LRGUK: variants seen among roughly 807,000 people sequenced by gnomAD.
LRGUK encodes leucine-rich repeat and guanylate kinase domain-containing protein.
A neutral mutation model predicts 76.0 loss-of-function variants in LRGUK; 65 were observed. That is an observed-to-expected ratio of 0.85 (90% CI 0.70 to 1.05). The LOEUF is 1.05. Ranked by LOEUF, LRGUK falls within the 50% of genes least tolerant of loss-of-function variation. The pLI, the probability that LRGUK is intolerant of heterozygous loss-of-function variation, is 0.00. For missense variants in LRGUK, 758 were observed against 732.8 expected (o/e 1.03, Z -0.40); for synonymous variants, 268 against 265.6 (o/e 1.01, Z -0.09).
At chr7:134,162,208 G>A (rs1798778846) in intron 6 of LRGUK, among the ~76,000 whole-genome samples, 1 of 152,122 alleles carries the variant, frequency 6.6e-6, no homozygotes, top group African/African-American at 2.4e-5. Flanking sequence ...TCTGAGCCAG[G>A]CTCAGCTGGG....
Position 134,137,012 on chromosome 7 carries a change from GT to G in LRGUK, c.298-5del, listed in dbSNP as rs756218480. ...ATCTTTTCTTTGTCTACCTTTCTGG[GT>G]TTTTTACAGGAGGAATTTGATGGGG... On this transcript the variant is annotated splice_polypyrimidine_tract_variant and intron_variant, in intron 1 of 15. Coordinates refer to ENST00000645682, the Ensembl canonical transcript of LRGUK. The G allele has an allele frequency of 1.2e-6, 2 of 1,600,960 alleles. No homozygotes were observed. Among genetic ancestry groups the G allele is most frequent in the South Asian group, 2.2e-5 (2 of 89,838 alleles).
intron 5 of LRGUK, 23 bp downstream of exon 5, chr7:134,148,342 G>A: frequency 1.6e-5 from 22 of 1,371,268 alleles, no homozygotes; most frequent in Non-Finnish European, 2.0e-5. Flanking sequence ...TAAGTAAAGG[G>A]GAAAATTTTA....
At chr7:134,228,532 A>T (rs2068590199) in intron 16 of LRGUK, among the ~76,000 whole-genome samples, 1 of 152,204 alleles carries the variant, frequency 6.6e-6, no homozygotes, top group Non-Finnish European at 1.5e-5. Flanking sequence ...TAAAATTAAA[A>T]TATGGGGAAT....
At position 134,256,459 on chromosome 7, in the gene LRGUK, C is replaced by CAAAAA. The variant is rs34522132; in HGVS notation, c.2199-1781_2199-1777dup. Among the ~76,000 whole-genome samples, 230 of 57,494 alleles carry CAAAAA rather than the reference C, an allele frequency of 4.0e-3. 5 individuals are homozygous for CAAAAA. The highest frequency in any genetic ancestry group is 0.011 in the African/African-American group (205 of 18,538). The allele number at this position is 57,494 out of a possible 152,430, so 37.7% of individuals were successfully genotyped here. A position where few individuals can be genotyped will look rare whatever the true frequency, so the allele number is the denominator to read the frequency against. On this transcript the variant is annotated intron_variant, in intron 18 of 19. Coordinates refer to the LRGUK transcript ENST00000285928. Reference sequence around the variant, plus strand: ...GGGCAACAAGAGCGAAACTCTGTCTCAAAAAAAAAAAAAAAAAAAAAGTCC... The same window carrying CAAAAA: ...GGGCAACAAGAGCGAAACTCTGTCTCAAAAAAAAAAAAAAAAAAAAAAAAAAGTCC...
the LRGUK span, among the ~76,000 whole-genome samples, chr7:134,270,469 G>A: frequency 6.6e-6 from 1 of 152,080 alleles, no homozygotes; most frequent in South Asian, 2.1e-4. Context: ...AGCCCATTTT[G>A]TATCCTTTCT....
intron 7 of LRGUK, among the ~76,000 whole-genome samples, chr7:134,164,349 C>A (rs899292730): frequency 2.0e-5 from 3 of 152,112 alleles, no homozygotes; most frequent in Non-Finnish European, 4.4e-5. Context: ...TTCTTATATA[C>A]CAATCTGCAT....
chr7:134,189,656 A>G (rs562524518), intron 11 of LRGUK, among the ~76,000 whole-genome samples: 2 of 152,208 alleles, frequency 1.3e-5, no homozygotes, highest in African/African-American at 2.4e-5. Flanking sequence ...TAAGTTCAGC[A>G]TAATGTGTAA....
At chr7:134,158,200 T>C in intron 6 of LRGUK, 41 bp downstream of exon 6, 1 of 1,559,226 alleles carries the variant, frequency 6.4e-7, no homozygotes, top group Non-Finnish European at 8.8e-7. Context: ...AAGTAGTAGT[T>C]AATGCTTTTA....
At chr7:134,251,006 G>C (rs1246979177) in intron 18 of LRGUK, among the ~76,000 whole-genome samples, 1 of 152,154 alleles carries the variant, frequency 6.6e-6, no homozygotes, top group African/African-American at 2.4e-5. Flanking sequence ...AATAATTGTT[G>C]AAAGACAGAA....
At chr7:134,249,318 A>G (rs1423247894) in intron 18 of LRGUK, among the ~76,000 whole-genome samples, 1 of 152,252 alleles carries the variant, frequency 6.6e-6, no homozygotes, top group East Asian at 1.9e-4. Flanking sequence ...AGAAAGACAC[A>G]GGGGCAGTTA....
At chr7:134,135,303 G>T (rs1214008077) in intron 1 of LRGUK, among the ~76,000 whole-genome samples, 1 of 152,146 alleles carries the variant, frequency 6.6e-6, no homozygotes, top group African/African-American at 2.4e-5. Flanking sequence ...TTGACTTCTG[G>T]TCTCCTCCCC....
chr7:134,268,717 C>CT (rs71531815), downstream of LRGUK, among the ~76,000 whole-genome samples: 9,804 of 57,380 alleles, frequency 0.17, 3,103 homozygotes, highest in Non-Finnish European at 0.22. Context: ...TGCAAAAAAT[C>CT]TTTTTTTTTT....
At chr7:134,137,312 G>A (rs1323814849) in intron 2 of LRGUK, among the ~76,000 whole-genome samples, 182 bp downstream of exon 2, 2 of 152,164 alleles carry the variant, frequency 1.3e-5, no homozygotes, top group Admixed American at 6.5e-5. Flanking sequence ...GACCAATTCA[G>A]TAATCAGCCC....
chr7:134,203,997 T>C (rs1800898229), intron 15 of LRGUK, among the ~76,000 whole-genome samples: 1 of 152,234 alleles, frequency 6.6e-6, no homozygotes, highest in African/African-American at 2.4e-5. Flanking sequence ...CCCTGATCCC[T>C]GAGCCAGGCT....
chr7:134,259,365 C>A (rs749446251), intron 19 of LRGUK, among the ~76,000 whole-genome samples: 1 of 152,014 alleles, frequency 6.6e-6, no homozygotes, highest in East Asian at 1.9e-4. Flanking sequence ...AAAGGTGGGG[C>A]GCTGTGAGTA....
chr7:134,176,282 C>G (rs960112685), intron 8 of LRGUK, among the ~76,000 whole-genome samples: 1 of 152,146 alleles, frequency 6.6e-6, no homozygotes. Flanking sequence ...GGGCTTAATA[C>G]CTAGGTGATG....
rs111790330 is a variant in LRGUK, at chr7:134,225,282, G to T, written c.1983+3364G>T. Among the ~76,000 whole-genome samples the T allele has an allele frequency of 2.2e-3, 328 of 152,244 alleles. 1 individual carries two copies. Among genetic ancestry groups the T allele is most frequent in the African/African-American group, 7.4e-3 (306 of 41,520 alleles). On this transcript the variant is annotated intron_variant, in intron 16 of 19. Coordinates refer to the LRGUK transcript ENST00000285928. Reference sequence around the variant, plus strand: ...GAAGGGGCCACCCTGGTGATGATTGGTGGGGGAAAGGACCCAATATCCCAG... The same window carrying T: ...GAAGGGGCCACCCTGGTGATGATTGTTGGGGGAAAGGACCCAATATCCCAG...
downstream of LRGUK, among the ~76,000 whole-genome samples, chr7:134,265,793 G>T (rs192993735): frequency 6.6e-6 from 1 of 152,104 alleles, no homozygotes; most frequent in Non-Finnish European, 1.5e-5. Context: ...GCCACTTGGG[G>T]GCCCTGGACC....
chr7:134,134,937 A>G (rs902092923), intron 1 of LRGUK, among the ~76,000 whole-genome samples: 1 of 152,074 alleles, frequency 6.6e-6, no homozygotes, highest in Non-Finnish European at 1.5e-5. Context: ...TTCTTTCTCC[A>G]AAATATTAAA....
Sources: allele counts gnomAD v4.1 joint callset (sites outside exome capture counted in the v4.1 genomes callset), GRCh38; gene constraint gnomAD v4.1.1; transcripts MANE v1.5; gene names NCBI Gene and HGNC (gene_info 2026-07-23, HGNC 2026-07-21).